The following CEP112 variants were observed in gnomAD, a reference collection of about 807,000 sequenced individuals.
CEP112 encodes the protein centrosomal protein of 112 kDa.
CEP112 carries 127 observed loss-of-function variants against 153.0 expected under a neutral mutation model. The observed-to-expected ratio is 0.83, with a 90% CI of 0.72 to 0.96. The LOEUF is 0.96. CEP112 is among the 40% of genes least tolerant of loss of function. CEP112 has a pLI of 0.00. For synonymous variants in CEP112, 358 were observed against 374.4 expected, an observed-to-expected ratio of 0.96 and a Z score of 0.51; for missense variants, 1,089 against 1,101.2, an observed-to-expected ratio of 0.99 and a Z score of 0.16.
chr17:65,751,441 C>T (rs190919694), intron 21 of CEP112, among the ~76,000 whole-genome samples: 109 of 152,230 alleles, frequency 7.2e-4, no homozygotes, highest in African/African-American at 2.6e-3. Flanking sequence ...GTCACAGTGA[C>T]GTGCCCTAGA....
chr17:65,986,190 T>C (rs1339950812), intron 17 of CEP112, among the ~76,000 whole-genome samples: 1 of 151,772 alleles, frequency 6.6e-6, no homozygotes, highest in African/African-American at 2.4e-5. Flanking sequence ...AAATAAAACA[T>C]CGCAAGAACA....
intron 23 of CEP112, among the ~76,000 whole-genome samples, chr17:65,734,670 G>C (rs1326613071): frequency 6.6e-6 from 1 of 152,148 alleles, no homozygotes; most frequent in Admixed American, 6.5e-5. Context: ...TCTCAAATAT[G>C]CTTCTGCTTT....
chr17:66,152,417 C>T (rs916957273), intron 4 of CEP112, among the ~76,000 whole-genome samples: 8 of 152,136 alleles, frequency 5.3e-5, no homozygotes, highest in Non-Finnish European at 1.2e-4. Flanking sequence ...AGTGCTGTCG[C>T]TCTTAGGTGC....
At chr17:66,073,845 T>C (rs1341487919) in intron 8 of CEP112, among the ~76,000 whole-genome samples, 3 of 152,148 alleles carry the variant, frequency 2.0e-5, no homozygotes. Context: ...AAAAAAATTC[T>C]ATGGAGAAAA....
chr17:66,153,468 CAAA>C (rs11303537), intron 4 of CEP112, among the ~76,000 whole-genome samples: 39 of 123,646 alleles, frequency 3.2e-4, no homozygotes, highest in Admixed American at 1.6e-3. Context: ...TAGAAAAGGC[CAAA>C]AAAAAAAAAA....
chr17:66,104,392 C>T (rs1335977183), intron 6 of CEP112, among the ~76,000 whole-genome samples: 1 of 152,150 alleles, frequency 6.6e-6, no homozygotes, highest in Non-Finnish European at 1.5e-5. Context: ...AACCGACTAC[C>T]TTGAAAGAAA....
At chr17:66,080,327 A>C (rs565160355) in intron 8 of CEP112, among the ~76,000 whole-genome samples, 1 of 152,316 alleles carries the variant, frequency 6.6e-6, no homozygotes, top group Non-Finnish European at 1.5e-5. Context: ...AAAAAAACAA[A>C]CAACCCCATC....
intron 25 of CEP112, among the ~76,000 whole-genome samples, chr17:65,637,507 G>A (rs572323266): frequency 6.6e-6 from 1 of 152,170 alleles, no homozygotes; most frequent in Non-Finnish European, 1.5e-5. Context: ...TCGCTCCGTT[G>A]CTCTTTGGCC....
intron 21 of CEP112, among the ~76,000 whole-genome samples, chr17:65,794,250 A>G (rs1234276120): frequency 2.6e-5 from 4 of 152,198 alleles, no homozygotes; most frequent in Non-Finnish European, 4.4e-5. Context: ...ACGCATCCCC[A>G]TGACAAAATA....
intron 23 of CEP112, among the ~76,000 whole-genome samples, chr17:65,704,454 C>CAA (rs1470136857): frequency 6.8e-6 from 1 of 147,932 alleles, no homozygotes; most frequent in Non-Finnish European, 1.5e-5. Flanking sequence ...CACACACACA[C>CAA]AAACATTTCT....
At chr17:65,937,530 C>A (rs1420947958) in intron 18 of CEP112, among the ~76,000 whole-genome samples, 5 of 136,954 alleles carry the variant, frequency 3.7e-5, no homozygotes, top group South Asian at 2.8e-4. Flanking sequence ...GTGAGGAGCC[C>A]CTCTGCCCGG....
At chr17:66,116,381 G>T (rs557506997) in intron 6 of CEP112, among the ~76,000 whole-genome samples, 5 of 152,058 alleles carry the variant, frequency 3.3e-5, no homozygotes, top group African/African-American at 1.2e-4. Flanking sequence ...AATGCTTTGG[G>T]GGAAATTTTG....
In CEP112 at chr17:65,750,655, T is replaced by C; in HGVS notation, c.2457+7A>G. On this transcript the variant is annotated splice_region_variant and intron_variant, in intron 22 of 26. Transcript: ENST00000535342. Reference sequence around the variant, plus strand: ...TACCCTGTTTTGTGTCTTTTAATGTTGCTTACCTGTGAAGATTTGGCAAGC... The same window carrying C: ...TACCCTGTTTTGTGTCTTTTAATGTCGCTTACCTGTGAAGATTTGGCAAGC... The C allele has an allele frequency of 6.2e-7, 1 of 1,613,084 alleles. No homozygotes were observed. Among genetic ancestry groups the C allele is most frequent in the Non-Finnish European group, 8.5e-7 (1 of 1,179,020 alleles).
At chr17:65,996,378 TC>T (rs1337319031) in intron 17 of CEP112, among the ~76,000 whole-genome samples, 1 of 151,876 alleles carries the variant, frequency 6.6e-6, no homozygotes, top group Non-Finnish European at 1.5e-5. Context: ...ACTTCAGATT[TC>T]CATTTACTCA....
rs533588853 is a variant in CEP112, at chr17:65,738,172, G to A, written c.2607+4896C>T. 8.4e-4 allele frequency among the ~76,000 whole-genome samples: 128 copies of A among 152,258 alleles called. 4 individuals carry two copies. In the South Asian group the frequency reaches 0.025, roughly 30 times the overall value. ...TCAAAGTAAAAACTGTGGGAATGGC[G>A]CCACTATGGTAAAAGGCCTAGTATA... On this transcript the variant is annotated intron_variant, in intron 23 of 26. Transcript: ENST00000535342.
chr17:65,984,430 G>A (rs9303493), intron 17 of CEP112, among the ~76,000 whole-genome samples: 88,989 of 152,012 alleles, frequency 0.59, 27,433 homozygotes, highest in African/African-American at 0.72. Flanking sequence ...GAAAATTTTC[G>A]AAACGTTGCA....
intron 21 of CEP112, among the ~76,000 whole-genome samples, chr17:65,793,074 C>T (rs1254432368): frequency 6.6e-6 from 1 of 151,910 alleles, no homozygotes; most frequent in Non-Finnish European, 1.5e-5. Flanking sequence ...GGGGCACACA[C>T]AATAAACATA....
At chr17:65,715,608 G>A (rs1465094017) in intron 23 of CEP112, among the ~76,000 whole-genome samples, 2 of 151,956 alleles carry the variant, frequency 1.3e-5, no homozygotes, top group African/African-American at 2.4e-5. Flanking sequence ...CCGCCACCAC[G>A]CCCGGCTAAT....
At chr17:66,164,466 GAGAATC>G (rs2071844729) in intron 4 of CEP112, among the ~76,000 whole-genome samples, 1 of 150,586 alleles carries the variant, frequency 6.6e-6, no homozygotes, top group African/African-American at 2.4e-5. Flanking sequence ...GCTGGGGCAG[GAGAATC>G]ACTGAACCCA....
Sources: gnomAD v4.1 joint callset for allele counts (sites outside exome capture counted in the v4.1 genomes callset) on GRCh38, gnomAD v4.1.1 for gene constraint, MANE v1.5 for transcripts, NCBI Gene and HGNC (gene_info 2026-07-23, HGNC 2026-07-21) for gene names.